Variants in ENTR1 observed in about 807,000 individuals in gnomAD.
ENTR1 encodes the protein endosome associated trafficking regulator 1.
In ENTR1, 47 loss-of-function variants were observed where a neutral mutation model predicts 47.9. The observed-to-expected ratio is 0.98, with a 90% CI of 0.78 to 1.25. ENTR1 has a LOEUF of 1.25. Among genes scored for constraint, ENTR1 ranks in the 50% most tolerant of loss-of-function variants. The pLI is 0.00. For synonymous variants in ENTR1, 290 were observed against 245.8 expected, an observed-to-expected ratio of 1.18 and a Z score of -1.68; for missense variants, 668 against 570.5, an observed-to-expected ratio of 1.17 and a Z score of -1.74.
At chr9:136,404,584 G>A (rs1315190923) in intron 8 of ENTR1, 47 bp downstream of exon 8, 1 of 1,582,146 alleles carries the variant, frequency 6.3e-7, no homozygotes, top group Non-Finnish European at 8.7e-7. Context: ...TTCATTATGT[G>A]ACTCCACAAA....
chr9:136,407,447 G>A lies in ENTR1; in HGVS notation c.517C>T (p.Leu173Phe), dbSNP rs749670926. 5.0e-6 allele frequency: 8 copies of A among 1,611,008 alleles called. No homozygotes were observed. The highest frequency in any genetic ancestry group is 5.9e-6 in the Non-Finnish European group (7 of 1,179,826). Residue 173 changes from leucine to phenylalanine, a missense_variant, in exon 5 of 10, where the codon CTC (leucine) becomes TTC (phenylalanine). Coordinates refer to ENST00000357365, the MANE Select transcript of ENTR1 (RefSeq NM_001039707.2). Reference protein sequence around the residue: ...FFEDPTGAGDLLDEEEDEDTG... With the variant: ...FFEDPTGAGDFLDEEEDEDTG... ...TCCTCATCCTCCTCCTCATCCAGGA[G>A]GTCACCAGCCCCTGTCGGATCCTCG... is the stretch of plus-strand genomic sequence containing the variant.
chr9:136,407,577 A>C lies in ENTR1; in HGVS notation c.403-16T>G, dbSNP rs768487650. 2.1e-5 allele frequency: 32 copies of C among 1,541,984 alleles called. No individual in the cohort carries two copies. The African/African-American group carries it at 2.9e-4, about 14-fold the overall frequency. On this transcript the variant is annotated splice_polypyrimidine_tract_variant and intron_variant, in intron 4 of 9. Transcript: ENST00000357365. ...TCGAGGCTTCCTAAAAAAAAAAAAAAAAAAAAAACAATGGAGGCCATGCTT... is the reference window on the plus strand; with the variant it reads ...TCGAGGCTTCCTAAAAAAAAAAAAACAAAAAAAACAATGGAGGCCATGCTT...
intron 3 of ENTR1, 39 bp from the exon 4 acceptor site, chr9:136,407,977 A>C (rs748914584): frequency 7.4e-7 from 1 of 1,359,190 alleles, no homozygotes; most frequent in South Asian, 1.2e-5. Flanking sequence ...AAGTCTACTG[A>C]AGAGCGTTGA....
chr9:136,407,331 G>GT lies in ENTR1; in HGVS notation c.632dup (p.Tyr211Ter), dbSNP rs537313847. ...VPAGTSPCSTYLSFFSTPSEL... is the reference protein window; with the variant it reads ...VPAGTSPCST Reference sequence around the variant, plus strand: ...CCGACGGGGTGGAGAAAAAGGAAAGGTATGTGCTGCAGGGCGACGTGCCGG... The same window carrying GT: ...CCGACGGGGTGGAGAAAAAGGAAAGGTTATGTGCTGCAGGGCGACGTGCCGG... Residue 211 changes from tyrosine (Y) to a stop codon, truncating the protein, a stop_gained and frameshift_variant, in exon 5 of 10, where the codon TAC (tyrosine) becomes TAAC (stop). Transcript: ENST00000357365. LOFTEE classifies it high-confidence loss of function. 4 of 1,610,290 alleles carry GT rather than the reference G, an allele frequency of 2.5e-6. No individual in the cohort carries two copies. Among genetic ancestry groups the GT allele is most frequent in the Admixed American group, 1.7e-5 (1 of 59,632 alleles).
intron 3 of ENTR1, among the ~76,000 whole-genome samples, chr9:136,408,339 G>GA (rs1479243985): frequency 6.6e-6 from 1 of 152,218 alleles, no homozygotes; most frequent in Admixed American, 6.5e-5. Context: ...AGCACTGTGG[G>GA]AGGTCAAGGC....
chr9:136,403,940 C>A, intron 9 of ENTR1, 115 bp downstream of exon 9: 2 of 1,288,244 alleles, frequency 1.6e-6, no homozygotes, highest in South Asian at 1.5e-5. Context: ...CCCTGCAGCT[C>A]CCTGGTCCTC....
Position 136,408,987 on chromosome 9 carries a change from G to A in ENTR1, c.289+12C>T. ...ATGGAGACAAGAAGAAAAGGTTGCT[G>A]AACTACTCTACCTCCAAAATGTGTC... On this transcript the variant is annotated intron_variant, in intron 3 of 9. Coordinates refer to ENST00000357365, the MANE Select transcript of ENTR1 (RefSeq NM_001039707.2). The A allele has an allele frequency of 6.2e-7, 1 of 1,612,470 alleles. No individual in the cohort carries two copies.
chr9:136,402,880 C>T lies in ENTR1; in HGVS notation c.1216G>A (p.Val406Ile), dbSNP rs1468525627. 13 of 1,611,144 alleles carry T rather than the reference C, an allele frequency of 8.1e-6. No individual in the cohort carries two copies. Among genetic ancestry groups the T allele is most frequent in the Admixed American group, 3.3e-5 (2 of 59,716 alleles). ...NSAQASIKQL[V>I]SGAETLNLVA... The stretch of plus-strand genomic sequence containing the variant: ...AGATTCAGTGTCTCAGCTCCGGAAA[C>T]CAGTTGCCTGAAAACAAGCATGGAT... Residue 406 changes from valine to isoleucine, a missense_variant, in exon 10 of 10, where the codon GTT becomes ATT. Physicochemically the swap from Val to Ile is conservative, Grantham distance 29. Coordinates refer to ENST00000357365, the MANE Select transcript of ENTR1 (RefSeq NM_001039707.2).
At chr9:136,409,258 G>A (rs1278207663) in intron 2 of ENTR1, among the ~76,000 whole-genome samples, 191 bp from the exon 3 acceptor site, 1 of 150,998 alleles carries the variant, frequency 6.6e-6, no homozygotes, top group Non-Finnish European at 1.5e-5. Flanking sequence ...TCGGCTCCCT[G>A]CAAGCTCCGC....
chr9:136,402,737 G>T lies in ENTR1; in HGVS notation c.*51C>A. 8.2e-7 allele frequency: 1 copy of T among 1,225,716 alleles called. No individual in the cohort carries two copies. The highest frequency in any genetic ancestry group is 1.2e-6 in the Non-Finnish European group (1 of 830,400). The allele number at this position is 1,225,716 out of a possible 1,614,324, so 75.9% of individuals were successfully genotyped here. On this transcript the variant is annotated 3_prime_UTR_variant, in exon 10 of 10. Transcript: ENST00000357365. ...CAACTGCACATTTAGATCGAGCGGT[G>T]GTGACCTCAGGGTATACACGGAGCT...
intron 9 of ENTR1, among the ~76,000 whole-genome samples, chr9:136,403,388 G>GT (rs1409102489): frequency 1.7e-4 from 17 of 102,840 alleles, no homozygotes; most frequent in African/African-American, 5.3e-4. Context: ...AAGGGACAGG[G>GT]TCCCAGGGAG....
At chr9:136,406,253 A>G (rs1216062954) in intron 5 of ENTR1, among the ~76,000 whole-genome samples, 1 of 152,040 alleles carries the variant, frequency 6.6e-6, no homozygotes, top group Non-Finnish European at 1.5e-5. Context: ...GCGGATCACA[A>G]GGTCAGGAGT....
intron 3 of ENTR1, among the ~76,000 whole-genome samples, chr9:136,408,747 G>A (rs919060516): frequency 4.6e-5 from 7 of 152,208 alleles, no homozygotes; most frequent in Non-Finnish European, 7.4e-5. Context: ...AGCCACACTC[G>A]ACCCTCCCAG....
chr9:136,407,295 C>T lies in ENTR1; in HGVS notation c.669G>A (p.Gly223=), dbSNP rs1298583359. 1.2e-6 allele frequency: 2 copies of T among 1,612,448 alleles called. No homozygotes were observed. Among genetic ancestry groups the T allele is most frequent in the South Asian group, 1.1e-5 (1 of 91,004 alleles). The change falls in exon 5 of 10, where the codon GGG becomes GGA. Residue 223 remains glycine (G), a synonymous_variant. Coordinates refer to ENST00000357365, the MANE Select transcript of ENTR1 (RefSeq NM_001039707.2). ...ACGCCCACGAGGGCAGAGACTCAGG[C>T]CCTGCCAGCTCCGACGGGGTGGAGA... is the stretch of plus-strand genomic sequence containing the variant. ...SFFSTPSELA[G]PESLPSWALS...
chr9:136,409,391 C>G (rs1360203844), intron 2 of ENTR1, among the ~76,000 whole-genome samples: 2 of 152,142 alleles, frequency 1.3e-5, no homozygotes, highest in African/African-American at 4.8e-5. Flanking sequence ...CCCTGTTAGC[C>G]AGGATGGTCT....
intron 3 of ENTR1, 115 bp downstream of exon 3, chr9:136,408,884 G>T: frequency 5.6e-6 from 4 of 714,056 alleles, no homozygotes; most frequent in Admixed American, 2.0e-5. Context: ...ACCCCCACCT[G>T]CTCTTTTGGG....
intron 9 of ENTR1, among the ~76,000 whole-genome samples, 153 bp from the exon 10 acceptor site, chr9:136,403,040 A>G (rs1421459002): frequency 2.1e-5 from 1 of 48,518 alleles, no homozygotes; most frequent in Non-Finnish European, 3.7e-5. Flanking sequence ...GAGGAAGGCG[A>G]GGGTTTCCAG....
intron 4 of ENTR1, 75 bp downstream of exon 4, chr9:136,407,751 T>C: frequency 7.2e-7 from 1 of 1,380,098 alleles, no homozygotes; most frequent in East Asian, 2.3e-5. Context: ...TCATGCACGA[T>C]TCCTCCAAAG....
Position 136,410,590 on chromosome 9 carries a change from G to C in ENTR1, c.-193C>G. On this transcript the variant is annotated 5_prime_UTR_variant, in exon 1 of 10. Coordinates refer to ENST00000357365, the MANE Select transcript of ENTR1 (RefSeq NM_001039707.2). Reference sequence around the variant, plus strand: ...GAGCACCGAAAGCGCGTGCCTGAACGCCTTGGGCCGTCGGCGAGGGGGAGG... The same window carrying C: ...GAGCACCGAAAGCGCGTGCCTGAACCCCTTGGGCCGTCGGCGAGGGGGAGG... 1 of 1,245,256 alleles carries C rather than the reference G, an allele frequency of 8.0e-7. No homozygotes were observed. The highest frequency in any genetic ancestry group is 1.0e-6 in the Non-Finnish European group (1 of 979,618). The allele number at this position is 1,245,256 out of a possible 1,614,324, so 77.1% of individuals were successfully genotyped here. A position where few individuals can be genotyped will look rare whatever the true frequency, so the allele number is the denominator to read the frequency against.
Sources: allele counts gnomAD v4.1 joint callset (sites outside exome capture counted in the v4.1 genomes callset), GRCh38; gene constraint gnomAD v4.1.1; transcripts MANE v1.5; gene names NCBI Gene and HGNC (gene_info 2026-07-23, HGNC 2026-07-21).